Variants in HRH1 observed in about 807,000 individuals in gnomAD.
The protein encoded by HRH1 is histamine H1 receptor.
A neutral mutation model predicts 10.3 loss-of-function variants in HRH1; 6 were observed. The observed-to-expected ratio is 0.58, with a 90% confidence interval of 0.32 to 1.15. The LOEUF is 1.15. Among genes scored for constraint, HRH1 ranks in the 50% most tolerant of loss-of-function variants. The probability of loss-of-function intolerance (pLI) is 0.05; values close to 1 mark genes in which losing one functional copy is unlikely to be tolerated. For synonymous variants in HRH1, 242 were observed against 236.7 expected, an observed-to-expected ratio of 1.02 and a Z score of -0.21; for missense variants, 514 against 615.3, an observed-to-expected ratio of 0.84 and a Z score of 1.74.
In HRH1 at chr3:11,254,164, C is replaced by G. The variant is rs926667642; in HGVS notation, c.-35-4839C>G. ...TCCCATCCTGGAGAAAGAGTTTTTC[C>G]CTGAGTCCATGGGGCTCAATCTCTC... On this transcript the variant is annotated intron_variant, in intron 1 of 1. Coordinates refer to ENST00000431010, the MANE Select transcript of HRH1 (RefSeq NM_001098212.2). 6.6e-5 allele frequency among the ~76,000 whole-genome samples: 10 copies of G among 152,082 alleles called. 1 individual carries two copies. Among genetic ancestry groups the G allele is most frequent in the Middle Eastern group, 6.3e-3 (2 of 316 alleles).
intron 1 of HRH1, among the ~76,000 whole-genome samples, chr3:11,185,780 G>A (rs1937441988): frequency 6.6e-6 from 1 of 152,308 alleles, no homozygotes; most frequent in Non-Finnish European, 1.5e-5. Flanking sequence ...TGTCGTGTTG[G>A]TGCACATGTG....
chr3:11,211,067 T>C (rs548757001), intron 1 of HRH1, among the ~76,000 whole-genome samples: 1 of 152,324 alleles, frequency 6.6e-6, no homozygotes, highest in South Asian at 2.1e-4. Context: ...AGGCAGATGA[T>C]AAAGTAGCAA....
chr3:11,241,288 G>A (rs893340609), intron 1 of HRH1, among the ~76,000 whole-genome samples: 1 of 145,688 alleles, frequency 6.9e-6, no homozygotes, highest in African/African-American at 2.6e-5. Flanking sequence ...AACCACGTAC[G>A]TCTTCTATAA....
At chr3:11,241,753 G>T (rs550806586) in intron 1 of HRH1, among the ~76,000 whole-genome samples, 1 of 151,754 alleles carries the variant, frequency 6.6e-6, no homozygotes, top group Non-Finnish European at 1.5e-5. Context: ...GGAGAATGGC[G>T]CAAACCTGGG....
chr3:11,166,632 C>T (rs1324838926), intron 1 of HRH1, among the ~76,000 whole-genome samples: 1 of 150,862 alleles, frequency 6.6e-6, no homozygotes, highest in Non-Finnish European at 1.5e-5. Flanking sequence ...CATCTGCTGT[C>T]CCCTGGCTTC....
At chr3:11,159,851 G>A (rs975999898) in intron 1 of HRH1, among the ~76,000 whole-genome samples, 1 of 152,198 alleles carries the variant, frequency 6.6e-6, no homozygotes, top group Non-Finnish European at 1.5e-5. Context: ...AGGGAGGAAA[G>A]CCAGTTTTGA....
intron 1 of HRH1, among the ~76,000 whole-genome samples, chr3:11,158,073 T>G (rs1194023439): frequency 1.3e-5 from 2 of 152,230 alleles, no homozygotes; most frequent in Non-Finnish European, 2.9e-5. Flanking sequence ...AATGACAAAT[T>G]GCTTAATTGG....
At chr3:11,173,461 G>C (rs1483015097) in intron 1 of HRH1, among the ~76,000 whole-genome samples, 1 of 151,730 alleles carries the variant, frequency 6.6e-6, no homozygotes, top group Non-Finnish European at 1.5e-5. Flanking sequence ...GGAGTGCAGT[G>C]GCATGATCTC....
At chr3:11,179,823 T>G (rs1937318841) in intron 1 of HRH1, among the ~76,000 whole-genome samples, 2 of 147,988 alleles carry the variant, frequency 1.4e-5, no homozygotes. Flanking sequence ...CAGGCTGGAG[T>G]GCAGTGGCAG....
At position 11,260,381 on chromosome 3, in the gene HRH1, T is replaced by G. The variant is rs943129167; in HGVS notation, c.1344T>G (p.His448Gln). Residue 448 changes from histidine (H) to glutamine (Q), a missense_variant, in exon 2 of 2, where the codon CAT (histidine) becomes CAG (glutamine). Coordinates refer to ENST00000431010, the MANE Select transcript of HRH1 (RefSeq NM_001098212.2). ...IAFCKNCCNE[H>Q]LHMFTIWLGY... ...TCTGCAAGAACTGTTGCAATGAACATTTGCACATGTTCACCATCTGGCTGG... is the reference window on the plus strand; with the variant it reads ...TCTGCAAGAACTGTTGCAATGAACAGTTGCACATGTTCACCATCTGGCTGG... 6.2e-7 allele frequency: 1 copy of G among 1,614,076 alleles called. No individual in the cohort carries two copies. Among genetic ancestry groups the G allele is most frequent in the Non-Finnish European group, 8.5e-7 (1 of 1,180,042 alleles).
intron 1 of HRH1, among the ~76,000 whole-genome samples, chr3:11,178,819 A>C (rs1450427694): frequency 1.3e-5 from 2 of 151,850 alleles, no homozygotes; most frequent in Non-Finnish European, 2.9e-5. Flanking sequence ...GCGTCTGGGA[A>C]ACCTGAGCTA....
intron 1 of HRH1, among the ~76,000 whole-genome samples, chr3:11,235,088 G>A (rs1227012766): frequency 1.3e-5 from 2 of 151,858 alleles, no homozygotes; most frequent in African/African-American, 2.4e-5. Context: ...GGTGGCATGT[G>A]TCTGTAGTCC....
intron 1 of HRH1, among the ~76,000 whole-genome samples, chr3:11,194,794 G>A (rs956490724): frequency 2.6e-5 from 4 of 152,268 alleles, no homozygotes; most frequent in South Asian, 2.1e-4. Flanking sequence ...CAGCTGGGGC[G>A]ACAGAGCGCG....
chr3:11,220,458 T>C (rs1024401407), intron 1 of HRH1, among the ~76,000 whole-genome samples: 2 of 152,234 alleles, frequency 1.3e-5, no homozygotes, highest in African/African-American at 4.8e-5. Flanking sequence ...CTGCCGGTGC[T>C]TGGGTTTCCT....
chr3:11,191,198 G>C (rs1459712698), intron 1 of HRH1, among the ~76,000 whole-genome samples: 2 of 152,164 alleles, frequency 1.3e-5, no homozygotes, highest in African/African-American at 2.4e-5. Context: ...TGACATGTCG[G>C]ACTGTGCTGA....
rs1341534889 is a variant in HRH1 at position 11,262,980 on chromosome 3, C to T, written c.*2479C>T. 1.2e-5 allele frequency: 2 copies of T among 166,986 alleles called. No homozygotes were observed. The highest frequency in any genetic ancestry group is 4.8e-5 in the African/African-American group (2 of 41,412). The allele number at this position is 166,986 out of a possible 1,614,324, so 10.3% of individuals were successfully genotyped here. ...GTATTGGTGCCATTATGTAATGTTG[C>T]CTTTACAACAACCTCATGAGGGAGA... On this transcript the variant is annotated 3_prime_UTR_variant, in exon 2 of 2. Coordinates refer to ENST00000431010, the MANE Select transcript of HRH1 (RefSeq NM_001098212.2).
intron 1 of HRH1, among the ~76,000 whole-genome samples, chr3:11,141,803 G>A (rs1936296833): frequency 6.6e-6 from 1 of 152,002 alleles, no homozygotes; most frequent in African/African-American, 2.4e-5. Context: ...ACCAGAAAGT[G>A]TCAGGGCCAT....
chr3:11,180,450 C>T (rs567625989), intron 1 of HRH1, among the ~76,000 whole-genome samples: 1 of 152,264 alleles, frequency 6.6e-6, no homozygotes, highest in African/African-American at 2.4e-5. Context: ...GGTTCGAGCT[C>T]CTATGGGAAT....
chr3:11,149,263 C>T lies in HRH1; in HGVS notation c.-36+11864C>T, dbSNP rs139175356. On this transcript the variant is annotated intron_variant, in intron 1 of 1. Coordinates refer to the HRH1 transcript ENST00000438284. ...TTTAAAAACCAGCCAGAGATAGCCACTGTGTATAGCTTTTGCTCTTTCTCT... is the reference window on the plus strand; with the variant it reads ...TTTAAAAACCAGCCAGAGATAGCCATTGTGTATAGCTTTTGCTCTTTCTCT... 3.5e-3 allele frequency among the ~76,000 whole-genome samples: 538 copies of T among 152,296 alleles called. 6 individuals carry two copies. The highest frequency in any genetic ancestry group is 4.0e-3 in the Non-Finnish European group (275 of 68,018).
Sources: allele counts gnomAD v4.1 joint callset (sites outside exome capture counted in the v4.1 genomes callset), GRCh38; gene constraint gnomAD v4.1.1; transcripts MANE v1.5; gene names NCBI Gene and HGNC (gene_info 2026-07-23, HGNC 2026-07-21).